GSG1L: variants seen among roughly 807,000 people sequenced by gnomAD.
GSG1L encodes the protein germ cell-specific gene 1-like protein.
GSG1L carries 24 observed loss-of-function variants against 42.1 expected under a neutral mutation model. The ratio of observed to expected loss-of-function variants is 0.57; its 90% CI spans 0.41 to 0.80. GSG1L has a LOEUF of 0.80. GSG1L is among the 30% of genes least tolerant of loss of function. The probability of loss-of-function intolerance (pLI) is 0.00; values close to 1 mark genes in which losing one functional copy is unlikely to be tolerated. For synonymous variants in GSG1L, 215 were observed against 203.5 expected, an observed-to-expected ratio of 1.06 and a Z score of -0.48; for missense variants, 445 against 472.2, an observed-to-expected ratio of 0.94 and a Z score of 0.53.
intron 2 of GSG1L, among the ~76,000 whole-genome samples, chr16:27,909,955 C>CTTTTTTTTTT (rs67729209): frequency 2.5e-4 from 32 of 129,942 alleles, no homozygotes; most frequent in Non-Finnish European, 3.6e-4. Context: ...TCTTTTCTTT[C>CTTTTTTTTTT]TTTTTTTTTT....
chr16:28,051,780 G>A (rs1001567767), intron 1 of GSG1L, among the ~76,000 whole-genome samples: 4 of 152,202 alleles, frequency 2.6e-5, no homozygotes, highest in African/African-American at 9.7e-5. Flanking sequence ...GAGAGTAACG[G>A]GGCAGGTGAT....
rs1310866901 is a variant in GSG1L at position 27,821,746 on chromosome 16, C to CA, written c.830+7042dup. On this transcript the variant is annotated intron_variant, in intron 5 of 6. Transcript: ENST00000447459. ...AAACCCCGTCTCTACTAAAAAAATACAAAAAAAATTAGCTGTGCGTGGTGG... is the reference window on the plus strand; with the variant it reads ...AAACCCCGTCTCTACTAAAAAAATACAAAAAAAAATTAGCTGTGCGTGGTGG... Among the ~76,000 whole-genome samples, 11 of 151,510 alleles carry CA rather than the reference C, an allele frequency of 7.3e-5. 1 individual carries two copies. The highest frequency in any genetic ancestry group is 6.8e-3 in the Middle Eastern group (2 of 294).
intron 1 of GSG1L, among the ~76,000 whole-genome samples, chr16:28,029,287 TA>T (rs1195535373): frequency 6.6e-6 from 1 of 152,188 alleles, no homozygotes; most frequent in African/African-American, 2.4e-5. Context: ...AGAAGTGCGT[TA>T]TTTATAAGTG....
At position 28,023,096 on chromosome 16, in the gene GSG1L, G is replaced by A. The variant is rs868723614; in HGVS notation, c.349+39980C>T. ...CTCCCACTTCAGCCTCCCAAAATGC[G>A]GGGATTGTATGTATAAGCCACCACA... On this transcript the variant is annotated intron_variant, in intron 1 of 6. Transcript: ENST00000447459. Among the ~76,000 whole-genome samples the A allele has an allele frequency of 3.9e-5, 6 of 152,214 alleles. No homozygotes were observed. In the East Asian group the frequency reaches 7.7e-4, roughly 20 times the overall value.
intron 3 of GSG1L, among the ~76,000 whole-genome samples, chr16:27,856,182 A>T (rs1209280864): frequency 2.6e-5 from 4 of 152,064 alleles, no homozygotes; most frequent in Non-Finnish European, 4.4e-5. Context: ...CACATACCCC[A>T]GTCATAAAAA....
chr16:27,869,488 T>C (rs2083775166), intron 3 of GSG1L, among the ~76,000 whole-genome samples: 1 of 146,054 alleles, frequency 6.8e-6, no homozygotes, highest in Admixed American at 6.7e-5. Flanking sequence ...TCTCTCTCTC[T>C]CCTTCTCTCT....
At chr16:27,802,779 A>G (rs1412734630) in intron 6 of GSG1L, among the ~76,000 whole-genome samples, 4 of 152,010 alleles carry the variant, frequency 2.6e-5, no homozygotes, top group African/African-American at 9.7e-5. Flanking sequence ...TTCAGCCTCC[A>G]GAGTAGCTGA....
At chr16:27,973,536 G>A (rs2085217414) in intron 1 of GSG1L, among the ~76,000 whole-genome samples, 2 of 147,350 alleles carry the variant, frequency 1.4e-5, no homozygotes, top group South Asian at 2.3e-4. Context: ...GAGGAAACAT[G>A]AGACACGGTC....
At chr16:27,831,169 G>T (rs2083271257) in intron 4 of GSG1L, among the ~76,000 whole-genome samples, 1 of 152,182 alleles carries the variant, frequency 6.6e-6, no homozygotes, top group Non-Finnish European at 1.5e-5. Flanking sequence ...TGCTAAGCTG[G>T]TGGGATTTGA....
At chr16:28,062,790 C>A (rs535463520) in intron 1 of GSG1L, among the ~76,000 whole-genome samples, 312 of 152,288 alleles carry the variant, frequency 2.0e-3, no homozygotes, top group Non-Finnish European at 4.0e-3. Flanking sequence ...TGGGCGCCTT[C>A]CCGGGGCGCG....
At chr16:27,791,893 T>C (rs986915732) in intron 6 of GSG1L, among the ~76,000 whole-genome samples, 1 of 151,836 alleles carries the variant, frequency 6.6e-6, no homozygotes, top group African/African-American at 2.4e-5. Context: ...AACACACCTT[T>C]ACATGTACAC....
At chr16:28,038,147 G>C (rs910004239) in intron 1 of GSG1L, among the ~76,000 whole-genome samples, 35 of 152,092 alleles carry the variant, frequency 2.3e-4, no homozygotes, top group African/African-American at 8.5e-4. Flanking sequence ...TTTTGTTGTT[G>C]TGTTTTGTTT....
intron 1 of GSG1L, among the ~76,000 whole-genome samples, chr16:28,029,678 A>C (rs1189730428): frequency 6.6e-6 from 1 of 152,042 alleles, no homozygotes; most frequent in Non-Finnish European, 1.5e-5. Flanking sequence ...TGAATGGATG[A>C]GTGGTCATGG....
At chr16:27,984,571 T>A (rs1487279607) in intron 1 of GSG1L, among the ~76,000 whole-genome samples, 1 of 152,100 alleles carries the variant, frequency 6.6e-6, no homozygotes, top group African/African-American at 2.4e-5. Flanking sequence ...TTTTTAGAGC[T>A]CTACAGTCAG....
intron 1 of GSG1L, among the ~76,000 whole-genome samples, chr16:27,979,769 G>GAAA (rs2085303278): frequency 9.3e-5 from 4 of 43,204 alleles, no homozygotes; most frequent in African/African-American, 2.0e-4. Context: ...AAAGAAAGAA[G>GAAA]GAAAGAAAGA....
chr16:28,006,109 C>G (rs545748412), intron 1 of GSG1L, among the ~76,000 whole-genome samples: 44 of 152,210 alleles, frequency 2.9e-4, no homozygotes, highest in African/African-American at 1.0e-3. Flanking sequence ...GGGGGGTCCC[C>G]AGCCAAGGAA....
chr16:27,834,061 A>T (rs1161359198), intron 4 of GSG1L, among the ~76,000 whole-genome samples: 2 of 152,206 alleles, frequency 1.3e-5, no homozygotes, highest in African/African-American at 4.8e-5. Context: ...GTATAATGTT[A>T]GCTGTAGATG....
intron 1 of GSG1L, among the ~76,000 whole-genome samples, chr16:28,045,147 C>T (rs2086147395): frequency 1.3e-5 from 2 of 152,146 alleles, no homozygotes; most frequent in African/African-American, 4.8e-5. Flanking sequence ...GGGTCCATGT[C>T]ATTACACATT....
Position 27,863,579 on chromosome 16 carries a change from A to T in GSG1L, c.551-18518T>A, listed in dbSNP as rs528673708. On this transcript the variant is annotated intron_variant, in intron 3 of 6. Transcript: ENST00000447459. ...CCCAGTTACATTTATTGTAATTTGA[A>T]TTTATTTCTGCCAACTCCAGCACTT... Among the ~76,000 whole-genome samples the T allele has an allele frequency of 2.0e-3, 304 of 152,146 alleles. 1 individual carries two copies. The highest frequency in any genetic ancestry group is 6.8e-3 in the Middle Eastern group (2 of 294).
Sources: allele counts gnomAD v4.1 joint callset (sites outside exome capture counted in the v4.1 genomes callset), GRCh38; gene constraint gnomAD v4.1.1; transcripts MANE v1.5; gene names NCBI Gene and HGNC (gene_info 2026-07-23, HGNC 2026-07-21).